Variants in UFL1 observed in about 807,000 individuals in gnomAD.
The protein encoded by UFL1 is E3 UFM1-protein ligase 1.
A neutral mutation model predicts 99.3 loss-of-function variants in UFL1; 78 were observed. The ratio of observed to expected loss-of-function variants is 0.79; its 90% CI spans 0.65 to 0.95. UFL1 has a LOEUF of 0.95. Ranked by LOEUF, UFL1 falls within the 40% of genes least tolerant of loss-of-function variation. The pLI is 0.00. For synonymous variants in UFL1, 335 were observed against 322.2 expected (o/e 1.04, Z -0.42); for missense variants, 936 against 937.0 (o/e 1.00, Z 0.01).
At chr6:96,541,532 T>G (rs1460744736) in intron 11 of UFL1, among the ~76,000 whole-genome samples, 1 of 151,400 alleles carries the variant, frequency 6.6e-6, no homozygotes, top group Non-Finnish European at 1.5e-5. Flanking sequence ...TTTGAGATAG[T>G]TTATTTCCTC....
In UFL1 at chr6:96,549,457, G is replaced by A. The variant is rs560665290; in HGVS notation, c.1566G>A (p.Met522Ile). ...TCGAGGTGGTACGTTCAGTATTCAT[G>A]TCTTCAACAACTTCTGCTTCTGGGA... ...TYLEVVRSVF[M>I]SSTTSASGTG... Residue 522 changes from methionine to isoleucine, a missense_variant, in exon 14 of 19, where the codon ATG becomes ATA. Met to Ile is a conservative substitution (Grantham distance 10, BLOSUM62 1). Coordinates refer to ENST00000369278, the MANE Select transcript of UFL1 (RefSeq NM_015323.5). The A allele has an allele frequency of 5.0e-6, 8 of 1,598,044 alleles. No homozygotes were observed. In the South Asian group the frequency reaches 9.2e-5, roughly 18 times the overall value.
At chr6:96,549,372 G>C (rs756867548) in intron 13 of UFL1, 40 bp from the exon 14 acceptor site, 2 of 1,507,380 alleles carry the variant, frequency 1.3e-6, no homozygotes, top group African/African-American at 2.9e-5. Flanking sequence ...TAAATACTCA[G>C]TACATTTTAA....
chr6:96,536,891 T>C (rs1562253520), intron 8 of UFL1, among the ~76,000 whole-genome samples: 1 of 151,670 alleles, frequency 6.6e-6, no homozygotes, highest in Admixed American at 6.6e-5. Flanking sequence ...TTTGGAAACA[T>C]TGAAGTTATT....
intron 6 of UFL1, among the ~76,000 whole-genome samples, chr6:96,529,278 A>G (rs1769747914): frequency 6.6e-6 from 1 of 152,314 alleles, no homozygotes; most frequent in East Asian, 1.9e-4. Context: ...ATGCCCTATC[A>G]GCATTTAAAT....
At chr6:96,531,032 T>G (rs1769775309) in intron 6 of UFL1, among the ~76,000 whole-genome samples, 1 of 152,198 alleles carries the variant, frequency 6.6e-6, no homozygotes, top group Admixed American at 6.5e-5. Context: ...CGGCATTAGA[T>G]TCTCATAGGA....
rs1769849798 is a variant in UFL1, at chr6:96,536,187, C to T, written c.656-57C>T. On this transcript the variant is annotated intron_variant, in intron 7 of 18. Transcript: ENST00000369278. ...AATTATGAAATAATAAAGTATTTTA[C>T]TTTTTAAGATTTATACCTGGTCTGA... 2.7e-6 allele frequency: 4 copies of T among 1,464,800 alleles called. No homozygotes were observed. In the Admixed American group the frequency reaches 5.6e-5, roughly 20 times the overall value. The allele number at this position is 1,464,800 out of a possible 1,614,324, so 90.7% of individuals were successfully genotyped here.
chr6:96,524,138 T>A (rs1769666488), intron 2 of UFL1, among the ~76,000 whole-genome samples: 3 of 151,912 alleles, frequency 2.0e-5, no homozygotes, highest in Admixed American at 6.6e-5. Flanking sequence ...TGTGTGCCAG[T>A]TGGTGCTCAT....
intron 12 of UFL1, among the ~76,000 whole-genome samples, chr6:96,546,770 A>T: frequency 6.6e-6 from 1 of 151,590 alleles, no homozygotes; most frequent in East Asian, 1.9e-4. Flanking sequence ...TGGGGAAAGG[A>T]CACCCTATTC....
intron 8 of UFL1, among the ~76,000 whole-genome samples, chr6:96,536,753 T>G (rs1769859898): frequency 6.6e-6 from 1 of 151,782 alleles, no homozygotes; most frequent in South Asian, 2.1e-4. Context: ...AAAAGTATTT[T>G]TTAATTATAA....
Position 96,526,411 on chromosome 6 carries a change from T to C in UFL1, c.441T>C (p.Asp147=), listed in dbSNP as rs775509242. 2.5e-6 allele frequency: 4 copies of C among 1,612,162 alleles called. No homozygotes were observed. The highest frequency in any genetic ancestry group is 3.3e-4 in the Middle Eastern group (2 of 6,054). ...TATCAGAACTGTGTAAAACTTATGA[T>C]CTTCCTGGGAACTTTCTGACACAGG... ...VTISELCKTY[D]LPGNFLTQAL... Residue 147 remains aspartate (D), a synonymous_variant, in exon 5 of 19, where the codon GAT becomes GAC. Coordinates refer to ENST00000369278, the MANE Select transcript of UFL1 (RefSeq NM_015323.5).
Position 96,543,024 on chromosome 6 carries a change from GCTTTT to G in UFL1, c.1402+13_1402+17del, listed in dbSNP as rs771818275. On this transcript the variant is annotated intron_variant, in intron 12 of 18. Coordinates refer to ENST00000369278, the MANE Select transcript of UFL1 (RefSeq NM_015323.5). ...CTCAATCATCCCACACTGGTAGGTA[GCTTTT>G]CTTTACTTTTCCTTGGTGTATGTGT... is the stretch of plus-strand genomic sequence containing the variant. 2.0e-4 allele frequency: 317 copies of G among 1,584,602 alleles called. 3 individuals are homozygous for G. In the African/African-American group the frequency reaches 4.1e-3, roughly 20 times the overall value.
chr6:96,528,731 C>A, intron 6 of UFL1, 99 bp downstream of exon 6: 1 of 1,382,954 alleles, frequency 7.2e-7, no homozygotes, highest in African/African-American at 1.5e-5. Context: ...TTAATAAAGT[C>A]TCATTTAGGA....
At chr6:96,523,360 C>A in intron 2 of UFL1, 69 bp downstream of exon 2, 1 of 1,404,966 alleles carries the variant, frequency 7.1e-7, no homozygotes, top group Non-Finnish European at 9.5e-7. Flanking sequence ...AAACAAAACC[C>A]GTAAACATGT....
intron 11 of UFL1, 100 bp from the exon 12 acceptor site, chr6:96,542,794 T>A (rs777224533): frequency 1.6e-6 from 2 of 1,217,802 alleles, no homozygotes; most frequent in Non-Finnish European, 2.1e-6. Context: ...TTTGCCTTTA[T>A]TTTTTCTGCT....
In UFL1 at chr6:96,549,706, G is replaced by A; in HGVS notation, c.1725G>A (p.Lys575=). ...CTGCTCTTACCAAACACTTGCTGAA[G>A]TCAGTGTGTACTGATATCACTAACC... ...TQAALTKHLL[K]SVCTDITNLI... Residue 575 remains lysine (K), a synonymous_variant, in exon 15 of 19, where the codon AAG becomes AAA. Coordinates refer to ENST00000369278, the MANE Select transcript of UFL1 (RefSeq NM_015323.5). 1.9e-6 allele frequency: 3 copies of A among 1,612,152 alleles called. No homozygotes were observed. The highest frequency in any genetic ancestry group is 2.5e-6 in the Non-Finnish European group (3 of 1,178,824).
chr6:96,534,270 G>C lies in UFL1; in HGVS notation c.604G>C (p.Ala202Pro), dbSNP rs953611284. Residue 202 changes from alanine to proline, a missense_variant, in exon 7 of 19, where the codon GCT (alanine) becomes CCT (proline). By Grantham distance (27) the Ala-to-Pro change is conservative. Coordinates refer to ENST00000369278, the MANE Select transcript of UFL1 (RefSeq NM_015323.5). ...TTTTAACTTTCCATAAAGGCCTACA[G>C]CTGTGAATTCTTTGATTTCAAAATA... ...GLFSAITRPT[A>P]VNSLISKYGF... The C allele has an allele frequency of 7.6e-6, 12 of 1,570,768 alleles. No individual in the cohort carries two copies. The highest frequency in any genetic ancestry group is 1.0e-5 in the Non-Finnish European group (12 of 1,162,526).
chr6:96,550,709 G>A (rs546635460), intron 15 of UFL1, among the ~76,000 whole-genome samples: 1 of 151,928 alleles, frequency 6.6e-6, no homozygotes, highest in Admixed American at 6.6e-5. Flanking sequence ...CAGTTGTCTA[G>A]ACAGTTTCAT....
chr6:96,545,857 C>T (rs1323099093), intron 12 of UFL1, among the ~76,000 whole-genome samples: 1 of 150,920 alleles, frequency 6.6e-6, no homozygotes, highest in African/African-American at 2.4e-5. Flanking sequence ...AACTAGGCAT[C>T]AAAGGAACAT....
At chr6:96,537,351 C>G (rs1178684948) in intron 8 of UFL1, 23 bp from the exon 9 acceptor site, 1 of 1,516,966 alleles carries the variant, frequency 6.6e-7, no homozygotes, top group East Asian at 2.4e-5. Flanking sequence ...CAATTCTAAT[C>G]CAACTTTGTG....
Sources: allele counts gnomAD v4.1 joint callset (sites outside exome capture counted in the v4.1 genomes callset), GRCh38; gene constraint gnomAD v4.1.1; transcripts MANE v1.5; gene names NCBI Gene and HGNC (gene_info 2026-07-23, HGNC 2026-07-21).